SYCE1: variants seen among roughly 807,000 people sequenced by gnomAD.
The protein encoded by SYCE1 is cancer/testis antigen 76.
In SYCE1, 37 loss-of-function variants were observed where a neutral mutation model predicts 55.1. The ratio of observed to expected loss-of-function variants is 0.67; its 90% CI spans 0.52 to 0.88. SYCE1 has a LOEUF of 0.88. Among genes scored for constraint, SYCE1 ranks in the 40% least tolerant of loss-of-function variants. The probability of loss-of-function intolerance (pLI) is 0.00; values close to 1 mark genes in which losing one functional copy is unlikely to be tolerated. For missense variants in SYCE1, 399 were observed against 416.4 expected (o/e 0.96, Z 0.36); for synonymous variants, 163 against 159.4 (o/e 1.02, Z -0.17).
chr10:133,557,494 T>G, intron 6 of SYCE1: 1 of 482,192 alleles, frequency 2.1e-6, no homozygotes, highest in Non-Finnish European at 3.7e-6. Flanking sequence ...GATGGACAAA[T>G]CGATGGGTGG....
rs1047364580 is a variant in SYCE1, at chr10:133,557,750, A to G, written c.374+114T>C. 14 of 1,251,942 alleles carry G rather than the reference A, an allele frequency of 1.1e-5. No individual in the cohort carries two copies. In the Admixed American group the frequency reaches 2.4e-4, roughly 22 times the overall value. The allele number at this position is 1,251,942 out of a possible 1,614,324, so 77.6% of individuals were successfully genotyped here. A position where few individuals can be genotyped will look rare whatever the true frequency, so the allele number is the denominator to read the frequency against. Reference sequence around the variant, plus strand: ...GGGAAAGACATTCTTTGGACTCTCCATTGTTTAGAGGGAAACAATGAGAGC... The same window carrying G: ...GGGAAAGACATTCTTTGGACTCTCCGTTGTTTAGAGGGAAACAATGAGAGC... On this transcript the variant is annotated intron_variant, in intron 6 of 12. Coordinates refer to ENST00000343131, the MANE Select transcript of SYCE1 (RefSeq NM_001143764.3).
rs1054337841 is a variant in SYCE1, at chr10:133,558,820, G to C, written c.271+57C>G. 2.6e-6 allele frequency: 4 copies of C among 1,556,864 alleles called. No homozygotes were observed. The African/African-American group carries it at 4.1e-5, about 16-fold the overall frequency. On this transcript the variant is annotated intron_variant, in intron 4 of 12. Coordinates refer to ENST00000343131, the MANE Select transcript of SYCE1 (RefSeq NM_001143764.3). Reference sequence around the variant, plus strand: ...AGGATGCTGATTATCTGGAATACAGGGTTAGGGGAGGCTTAAGACACTGTG... The same window carrying C: ...AGGATGCTGATTATCTGGAATACAGCGTTAGGGGAGGCTTAAGACACTGTG...
intron 2 of SYCE1, 199 bp from the exon 3 acceptor site, chr10:133,559,559 C>G: frequency 1.7e-6 from 1 of 582,846 alleles, no homozygotes; most frequent in Non-Finnish European, 3.1e-6. Flanking sequence ...AATGGGGCTG[C>G]GGTAACCGTG....
intron 2 of SYCE1, 68 bp from the exon 3 acceptor site, chr10:133,559,428 T>C: frequency 1.4e-6 from 2 of 1,478,760 alleles, no homozygotes; most frequent in Non-Finnish European, 1.9e-6. Flanking sequence ...GCCTTGTGTC[T>C]CTGCTGCTTT....
chr10:133,567,121 G>T (rs1429537418), upstream of SYCE1, among the ~76,000 whole-genome samples: 1 of 150,806 alleles, frequency 6.6e-6, no homozygotes, highest in South Asian at 2.1e-4. Flanking sequence ...AGGGGTTGAG[G>T]TTATGAGTTG....
At chr10:133,557,678 A>G (rs897247253) in intron 6 of SYCE1, 186 bp downstream of exon 6, 2 of 628,020 alleles carry the variant, frequency 3.2e-6, no homozygotes, top group African/African-American at 3.6e-5. Flanking sequence ...ATGTCTTGCC[A>G]TTGAGAGAGT....
At chr10:133,555,467 G>A in intron 11 of SYCE1, 29 bp from the exon 12 acceptor site, 2 of 1,613,326 alleles carry the variant, frequency 1.2e-6, no homozygotes, top group East Asian at 2.2e-5. Flanking sequence ...GATGGGGGAA[G>A]GAAGAGGAGG....
chr10:133,557,795 T>C lies in SYCE1; in HGVS notation c.374+69A>G, dbSNP rs145097589. 7 of 1,557,218 alleles carry C rather than the reference T, an allele frequency of 4.5e-6. No homozygotes were observed. In the African/African-American group the frequency reaches 6.8e-5, roughly 15 times the overall value. ...GAGAGCTGTGGGTCTCAGATTCATC[T>C]TCCTGCCTCTTTCTGCTCTACCAGA... On this transcript the variant is annotated intron_variant, in intron 6 of 12. Coordinates refer to ENST00000343131, the MANE Select transcript of SYCE1 (RefSeq NM_001143764.3).
At chr10:133,554,769 G>A, downstream of SYCE1, 1 of 1,441,442 alleles carries the variant, frequency 6.9e-7, no homozygotes, top group Non-Finnish European at 9.3e-7. Flanking sequence ...CACTGTGAGA[G>A]CGTCTCGGGC....
rs1455636926 is a variant in SYCE1 at position 133,565,551 on chromosome 10, G to C, written c.-22C>G. ...CCATTTCCTCTCAGCTCGCCAGCGA[G>C]GGTGCCTCGGGAGGGAGCCTCCAGT... On this transcript the variant is annotated 5_prime_UTR_variant, in exon 1 of 13. Coordinates refer to ENST00000343131, the MANE Select transcript of SYCE1 (RefSeq NM_001143764.3). 2 of 1,547,872 alleles carry C rather than the reference G, an allele frequency of 1.3e-6. No homozygotes were observed. Among genetic ancestry groups the C allele is most frequent in the Admixed American group, 2.0e-5 (1 of 50,890 alleles).
chr10:133,559,280 A>G, intron 3 of SYCE1, 21 bp downstream of exon 3: 1 of 1,613,898 alleles, frequency 6.2e-7, no homozygotes, highest in Non-Finnish European at 8.5e-7. Flanking sequence ...CCTAGCTGGC[A>G]GCCAAGGCCC....
chr10:133,558,076 C>A, intron 5 of SYCE1, 91 bp downstream of exon 5: 1 of 1,571,492 alleles, frequency 6.4e-7, no homozygotes. Context: ...CAAGCTGGGA[C>A]AGGTTTCAAA....
intron 1 of SYCE1, among the ~76,000 whole-genome samples, chr10:133,564,968 GAAAC>G (rs2133633346): frequency 6.6e-6 from 1 of 152,216 alleles, no homozygotes; most frequent in Admixed American, 6.5e-5. Context: ...GGGTCAGGGA[GAAAC>G]AAACGGGGGA....
At chr10:133,558,313 G>T in intron 4 of SYCE1, 99 bp from the exon 5 acceptor site, 2 of 1,379,612 alleles carry the variant, frequency 1.4e-6, no homozygotes, top group Non-Finnish European at 2.1e-6. Context: ...CACAGCCTTG[G>T]CCCCAACCCA....
At chr10:133,560,063 T>G in intron 2 of SYCE1, 28 bp downstream of exon 2, 1 of 1,610,044 alleles carries the variant, frequency 6.2e-7, no homozygotes, top group African/African-American at 1.3e-5. Flanking sequence ...AACCTCAGGC[T>G]GTGCCTCACA....
intron 4 of SYCE1, chr10:133,558,537 T>A (rs2133620297): frequency 1.9e-6 from 1 of 530,780 alleles, no homozygotes; most frequent in South Asian, 2.4e-5. Flanking sequence ...TGTGACCAGA[T>A]GGAGGCAGGG....
At chr10:133,561,551 A>G (rs1851815259) in intron 1 of SYCE1, among the ~76,000 whole-genome samples, 1 of 152,208 alleles carries the variant, frequency 6.6e-6, no homozygotes, top group Non-Finnish European at 1.5e-5. Context: ...CCAACAGGGA[A>G]GACAAGTTTG....
In SYCE1 at chr10:133,555,367, G is replaced by A. The variant is rs1851634341; in HGVS notation, c.902C>T (p.Ala301Val). The change falls in exon 12 of 13, where the codon GCT (alanine) becomes GTT (valine). Residue 301 changes from alanine (A) to valine (V), a missense_variant. Transcript: ENST00000343131. Reference sequence around the variant, plus strand: ...GGGGCTTACCACATCTCCTGGGCCAGCCTCTTCCTCTTGTGTGCTCTGGGC... The same window carrying A: ...GGGGCTTACCACATCTCCTGGGCCAACCTCTTCCTCTTGTGTGCTCTGGGC... ...AQAQSTQEEE[A>V]GPGDVASPKP... is the part of the protein sequence containing the mutation. The A allele has an allele frequency of 6.2e-7, 1 of 1,613,896 alleles. No homozygotes were observed. Among genetic ancestry groups the A allele is most frequent in the African/African-American group, 1.3e-5 (1 of 74,906 alleles).
chr10:133,559,724 A>G, intron 2 of SYCE1: 1 of 420,820 alleles, frequency 2.4e-6, no homozygotes, highest in East Asian at 5.2e-5. Flanking sequence ...CAGTGCAAAG[A>G]CCCATCATGA....
Sources: allele counts gnomAD v4.1 joint callset (sites outside exome capture counted in the v4.1 genomes callset), GRCh38; gene constraint gnomAD v4.1.1; transcripts MANE v1.5; gene names NCBI Gene and HGNC (gene_info 2026-07-23, HGNC 2026-07-21).